Variants in REPS1 observed in about 807,000 individuals in gnomAD.
REPS1 encodes the protein ralBP1-associated Eps domain-containing protein 1.
In REPS1, 39 loss-of-function variants were observed where a neutral mutation model predicts 100.9. The observed-to-expected ratio is 0.39, with a 90% confidence interval of 0.30 to 0.50. REPS1 has a LOEUF of 0.50. REPS1 is among the 20% of genes least tolerant of loss of function. The pLI is 0.86. For missense variants in REPS1, 821 were observed against 968.5 expected, an observed-to-expected ratio of 0.85 and a Z score of 2.02; for synonymous variants, 324 against 340.3, an observed-to-expected ratio of 0.95 and a Z score of 0.53.
chr6:138,955,824 A>G (rs1341928501), intron 1 of REPS1, among the ~76,000 whole-genome samples: 3 of 152,176 alleles, frequency 2.0e-5, no homozygotes, highest in African/African-American at 7.2e-5. Context: ...ACTGTGCCTC[A>G]GTTTCTTCAT....
intron 1 of REPS1, among the ~76,000 whole-genome samples, chr6:138,954,421 G>A (rs1428312212): frequency 6.6e-6 from 1 of 151,510 alleles, no homozygotes; most frequent in African/African-American, 2.4e-5. Flanking sequence ...CCAATCTTTT[G>A]GCTTCCCTGG....
chr6:138,947,035 G>GCTCGCTCT (rs10648982), intron 2 of REPS1, among the ~76,000 whole-genome samples: 20 of 137,636 alleles, frequency 1.5e-4, no homozygotes, highest in South Asian at 5.1e-4. Flanking sequence ...ATTCCCCCTT[G>GCTCGCTCT]CTCTCTCTCT....
intron 1 of REPS1, among the ~76,000 whole-genome samples, chr6:138,961,508 T>A (rs1052258484): frequency 6.6e-6 from 1 of 152,068 alleles, no homozygotes; most frequent in African/African-American, 2.4e-5. Context: ...TGAGCCACCA[T>A]GCTCGGCTCA....
chr6:138,945,063 T>C (rs1262469661), intron 4 of REPS1, among the ~76,000 whole-genome samples, 156 bp downstream of exon 4: 2 of 152,190 alleles, frequency 1.3e-5, no homozygotes, highest in Non-Finnish European at 2.9e-5. Flanking sequence ...CCCTAAATAA[T>C]TGTTACTTTC....
In REPS1 at chr6:138,930,085, C is replaced by G. The variant is rs1026233768; in HGVS notation, c.1149G>C (p.Gln383His). The G allele has an allele frequency of 1.2e-6, 2 of 1,613,078 alleles. No homozygotes were observed. The highest frequency in any genetic ancestry group is 2.7e-5 in the African/African-American group (2 of 75,004). Residue 383 changes from glutamine to histidine, a missense_variant, in exon 9 of 20, where the codon CAG becomes CAC. Around this residue, in one of 3 missense-constraint regions of REPS1, gnomAD observed 757 missense variants for 866.4 expected, o/e 0.87. Transcript: ENST00000450536. Reference protein sequence around the residue: ...DLEDSADVGDQPGEVGYSGSP... With the variant: ...DLEDSADVGDHPGEVGYSGSP... ...AGCCTGAATAACCTACCTCACCTGG[C>G]TGATCCCCAACATCTGCAATTTAAA...
At chr6:138,952,773 G>T (rs1239683240) in intron 1 of REPS1, among the ~76,000 whole-genome samples, 3 of 151,810 alleles carry the variant, frequency 2.0e-5, no homozygotes, top group Non-Finnish European at 4.4e-5. Flanking sequence ...AATAAACAGT[G>T]CTGGGAAAAC....
At chr6:138,979,579 T>A (rs1320885706) in intron 1 of REPS1, among the ~76,000 whole-genome samples, 1 of 152,192 alleles carries the variant, frequency 6.6e-6, no homozygotes, top group Non-Finnish European at 1.5e-5. Context: ...CCAAATCCAA[T>A]GGCCACATTC....
At chr6:138,961,393 C>T (rs1016294942) in intron 1 of REPS1, among the ~76,000 whole-genome samples, 1 of 152,072 alleles carries the variant, frequency 6.6e-6, no homozygotes, top group East Asian at 1.9e-4. Flanking sequence ...CCCGCCACCA[C>T]GCCTGGCTAA....
intron 8 of REPS1, among the ~76,000 whole-genome samples, chr6:138,935,151 T>C (rs1365134018): frequency 6.6e-6 from 1 of 152,170 alleles, no homozygotes; most frequent in Non-Finnish European, 1.5e-5. Context: ...TCTATGAAAC[T>C]TATTCGGTAA....
intron 10 of REPS1, among the ~76,000 whole-genome samples, chr6:138,925,911 A>T (rs1400960321): frequency 6.6e-6 from 1 of 152,210 alleles, no homozygotes. Flanking sequence ...TTTGACCAAC[A>T]TCTTGTATTG....
intron 1 of REPS1, among the ~76,000 whole-genome samples, chr6:138,968,605 G>C (rs960839124): frequency 4.6e-5 from 7 of 151,994 alleles, no homozygotes; most frequent in Non-Finnish European, 1.0e-4. Context: ...TATGTACTTA[G>C]TATTTTTTCT....
intron 2 of REPS1, among the ~76,000 whole-genome samples, chr6:138,945,976 C>T (rs950682329): frequency 2.8e-4 from 42 of 152,238 alleles, no homozygotes; most frequent in Middle Eastern, 3.4e-3. Flanking sequence ...ATACTTGCCA[C>T]TGAATATTTA....
rs571824457 is a variant in REPS1 at position 138,958,521 on chromosome 6, G to A, written c.154-10608C>T. Among the ~76,000 whole-genome samples, 21 of 149,024 alleles carry A rather than the reference G, an allele frequency of 1.4e-4. No homozygotes were observed. In the East Asian group the frequency reaches 4.0e-3, roughly 28 times the overall value. ...TCGCCCCCCACTCCCCAACAGGCCTGGTGTGTGTTGCTCCCCTCCCTGTGT... is the reference window on the plus strand; with the variant it reads ...TCGCCCCCCACTCCCCAACAGGCCTAGTGTGTGTTGCTCCCCTCCCTGTGT... On this transcript the variant is annotated intron_variant, in intron 1 of 19. Transcript: ENST00000450536.
intron 1 of REPS1, among the ~76,000 whole-genome samples, chr6:138,963,131 CTAAA>C (rs71723969): frequency 0.57 from 83,935 of 147,386 alleles, 23,715 homozygotes; most frequent in East Asian, 0.73. Flanking sequence ...AACTAACTAA[CTAAA>C]TAAATAAATA....
intron 8 of REPS1, among the ~76,000 whole-genome samples, chr6:138,937,806 A>G (rs1781955264): frequency 6.6e-6 from 1 of 152,138 alleles, no homozygotes; most frequent in South Asian, 2.1e-4. Flanking sequence ...CTCAATTTGC[A>G]CCTTGCTAGG....
intron 1 of REPS1, among the ~76,000 whole-genome samples, chr6:138,972,758 A>C (rs1020411152): frequency 6.6e-6 from 1 of 152,188 alleles, no homozygotes; most frequent in African/African-American, 2.4e-5. Context: ...AAGCATGCTC[A>C]GTGTTTGACT....
At position 138,944,649 on chromosome 6, in the gene REPS1, G is replaced by T; in HGVS notation, c.629-27C>A. The stretch of plus-strand genomic sequence containing the variant: ...TATAAGGAGAATGGGTAAACATGCT[G>T]ACTCATGTTTGAGGAAAAAAGTTAC... On this transcript the variant is annotated intron_variant, in intron 4 of 19. Coordinates refer to ENST00000450536, the MANE Select transcript of REPS1 (RefSeq NM_001286611.2). 1.9e-6 allele frequency: 3 copies of T among 1,589,976 alleles called. No homozygotes were observed. In the South Asian group the frequency reaches 3.5e-5, roughly 18 times the overall value.
At chr6:138,927,574 C>G (rs1781217279) in intron 9 of REPS1, 1 of 152,174 alleles carries the variant, frequency 6.6e-6, no homozygotes, top group South Asian at 2.1e-4. Context: ...TTTTATGCTT[C>G]AAAGTTCAAC....
At chr6:138,968,431 T>G (rs2128498576) in intron 1 of REPS1, among the ~76,000 whole-genome samples, 1 of 152,334 alleles carries the variant, frequency 6.6e-6, no homozygotes, top group Admixed American at 6.5e-5. Context: ...GAGAAAGTTC[T>G]TGCCCAAGGA....
Sources: allele counts gnomAD v4.1 joint callset (sites outside exome capture counted in the v4.1 genomes callset), GRCh38; gene constraint gnomAD v4.1.1; regional missense constraint gnomAD v4.1.1; transcripts MANE v1.5; gene names NCBI Gene and HGNC (gene_info 2026-07-23, HGNC 2026-07-21).